The following KCNK2 variants were observed in gnomAD, a reference collection of about 807,000 sequenced individuals.
KCNK2 encodes the protein potassium channel subfamily K member 2.
Under a neutral mutation model 40.5 loss-of-function variants are expected in KCNK2, and 21 were observed. That is an observed-to-expected ratio of 0.52 (90% CI 0.37 to 0.75). The LOEUF (loss-of-function observed/expected upper bound fraction) is 0.75. KCNK2 is among the 30% of genes least tolerant of loss of function. The pLI is 0.00. For synonymous variants in KCNK2, 191 were observed against 202.2 expected (o/e 0.94, Z 0.47); for missense variants, 399 against 531.6 (o/e 0.75, Z 2.45).
intron 1 of KCNK2, among the ~76,000 whole-genome samples, chr1:215,053,698 G>T (rs12064317): frequency 0.14 from 21,247 of 152,248 alleles, 1,588 homozygotes; most frequent in Middle Eastern, 0.28. Context: ...AAAAGCCTTA[G>T]ATAGATATTC....
At chr1:215,153,104 G>A (rs1454578379) in intron 3 of KCNK2, among the ~76,000 whole-genome samples, 1 of 152,116 alleles carries the variant, frequency 6.6e-6, no homozygotes, top group Non-Finnish European at 1.5e-5. Flanking sequence ...ATCTCACATA[G>A]AGGGTAGAAA....
intron 3 of KCNK2, among the ~76,000 whole-genome samples, chr1:215,143,140 CT>C (rs1379906272): frequency 1.3e-5 from 2 of 151,928 alleles, no homozygotes; most frequent in East Asian, 1.9e-4. Flanking sequence ...CCCTAGAATC[CT>C]TTTTTTTAAA....
intron 6 of KCNK2, among the ~76,000 whole-genome samples, chr1:215,223,875 C>A (rs1159276409): frequency 1.3e-5 from 2 of 151,536 alleles, no homozygotes; most frequent in Non-Finnish European, 2.9e-5. Context: ...GCAAAGTATG[C>A]TGGGTAAAAA....
rs548241393 is a variant in KCNK2 at position 215,077,652 on chromosome 1, C to G, written c.35-8716C>G. Among the ~76,000 whole-genome samples, 3 of 152,088 alleles carry G rather than the reference C, an allele frequency of 2.0e-5. No homozygotes were observed. In the East Asian group the frequency reaches 5.9e-4, roughly 30 times the overall value. ...ACCTGGTTTCTACCTGCCTCTTCAGCTTGATTACTGTCCACCACCAAGCCT... is the reference window on the plus strand; with the variant it reads ...ACCTGGTTTCTACCTGCCTCTTCAGGTTGATTACTGTCCACCACCAAGCCT... On this transcript the variant is annotated intron_variant, in intron 1 of 6. Transcript: ENST00000391895.
At chr1:215,163,790 G>A (rs1663315850) in intron 3 of KCNK2, among the ~76,000 whole-genome samples, 1 of 152,136 alleles carries the variant, frequency 6.6e-6, no homozygotes, top group African/African-American at 2.4e-5. Context: ...TGGTGGATAA[G>A]CTTTTTGATG....
intron 3 of KCNK2, among the ~76,000 whole-genome samples, chr1:215,138,347 G>A (rs1487763766): frequency 6.6e-6 from 1 of 152,098 alleles, no homozygotes; most frequent in Non-Finnish European, 1.5e-5. Context: ...CCAATCTCAA[G>A]CCATGACATT....
intron 6 of KCNK2, among the ~76,000 whole-genome samples, chr1:215,230,478 T>TACAC (rs1160868753): frequency 7.8e-4 from 66 of 85,070 alleles, no homozygotes; most frequent in African/African-American, 3.5e-3. Flanking sequence ...GATATATATA[T>TACAC]ACACACACAC....
chr1:215,032,498 T>C (rs1257119566), intron 1 of KCNK2, among the ~76,000 whole-genome samples: 1 of 152,184 alleles, frequency 6.6e-6, no homozygotes, highest in Non-Finnish European at 1.5e-5. Flanking sequence ...TTTCTGTATG[T>C]AGATTTGAGT....
At chr1:215,182,634 G>C (rs1664273651) in intron 5 of KCNK2, among the ~76,000 whole-genome samples, 1 of 152,084 alleles carries the variant, frequency 6.6e-6, no homozygotes, top group Admixed American at 6.5e-5. Context: ...AGCACCTACT[G>C]CTGAGGCACT....
At chr1:215,036,056 T>G (rs1371873940) in intron 1 of KCNK2, among the ~76,000 whole-genome samples, 2 of 151,944 alleles carry the variant, frequency 1.3e-5, no homozygotes, top group African/African-American at 4.8e-5. Flanking sequence ...ATTTATAATT[T>G]TTTTATGGTT....
rs1376457220 is a variant in KCNK2 at position 215,237,057 on chromosome 1, T to C, written c.*1912T>C. On this transcript the variant is annotated 3_prime_UTR_variant, in exon 7 of 7. Transcript: ENST00000444842. ...GAATGCGCCATGTATAAACTGTGAA[T>C]TGTATTGACAAATAAAGTTTGTAAT... 1 of 152,540 alleles carries C rather than the reference T, an allele frequency of 6.6e-6. No homozygotes were observed. The highest frequency in any genetic ancestry group is 1.5e-5 in the Non-Finnish European group (1 of 68,016). 9.4% of individuals were successfully genotyped at this position (152,540 alleles called of 1,614,324 possible). A position where few individuals can be genotyped will look rare whatever the true frequency, so the allele number is the denominator to read the frequency against.
At chr1:215,147,510 A>G (rs149076781) in intron 3 of KCNK2, among the ~76,000 whole-genome samples, 82 of 152,316 alleles carry the variant, frequency 5.4e-4, no homozygotes, top group African/African-American at 1.8e-3. Flanking sequence ...TCCTCTGCAT[A>G]ACAGTAGCTT....
chr1:215,159,059 T>A lies in KCNK2; in HGVS notation c.476-10140T>A, dbSNP rs1663074147. On this transcript the variant is annotated intron_variant, in intron 3 of 6. Transcript: ENST00000444842. ...TGACTTCTTAAACTTTGGGATGGCC[T>A]TTTTCTTCTTTAAATTACCTTCATG... is the stretch of plus-strand genomic sequence containing the variant. 2.0e-5 allele frequency among the ~76,000 whole-genome samples: 3 copies of A among 152,192 alleles called. No homozygotes were observed. In the South Asian group the frequency reaches 6.2e-4, roughly 31 times the overall value.
chr1:215,048,329 C>T (rs775513687), intron 1 of KCNK2, among the ~76,000 whole-genome samples: 3 of 152,126 alleles, frequency 2.0e-5, no homozygotes, highest in Non-Finnish European at 4.4e-5. Flanking sequence ...TTTGTTTTCT[C>T]TCTAAGCAAA....
intron 1 of KCNK2, among the ~76,000 whole-genome samples, chr1:215,033,109 A>T (rs931753702): frequency 6.6e-6 from 1 of 151,636 alleles, no homozygotes; most frequent in African/African-American, 2.4e-5. Flanking sequence ...TCAAGCTCAG[A>T]AATTCTTTCC....
At chr1:215,021,552 T>C (rs2102478377) in intron 1 of KCNK2, among the ~76,000 whole-genome samples, 1 of 139,830 alleles carries the variant, frequency 7.2e-6, no homozygotes, top group Non-Finnish European at 1.5e-5. Flanking sequence ...TTTTTTTTTT[T>C]TTTTTTTTTT....
At chr1:215,198,724 C>G (rs1396899926) in intron 6 of KCNK2, among the ~76,000 whole-genome samples, 2 of 152,034 alleles carry the variant, frequency 1.3e-5, no homozygotes, top group Non-Finnish European at 2.9e-5. Context: ...AAAGTTATTT[C>G]TAGTTTTCAG....
At chr1:215,131,832 T>A (rs911888136) in intron 3 of KCNK2, among the ~76,000 whole-genome samples, 3 of 152,266 alleles carry the variant, frequency 2.0e-5, no homozygotes, top group African/African-American at 4.8e-5. Context: ...TGAATTTGGC[T>A]AAACAGTTTC....
chr1:215,112,679 T>A (rs1660745232), intron 2 of KCNK2, among the ~76,000 whole-genome samples: 2 of 152,180 alleles, frequency 1.3e-5, no homozygotes, highest in South Asian at 4.1e-4. Flanking sequence ...TTTACTTTTA[T>A]ACCCAATTTT....
Sources: allele counts gnomAD v4.1 joint callset (sites outside exome capture counted in the v4.1 genomes callset), GRCh38; gene constraint gnomAD v4.1.1; transcripts MANE v1.5; gene names NCBI Gene and HGNC (gene_info 2026-07-23, HGNC 2026-07-21).